The following TEX35 variants were observed in gnomAD, a reference collection of about 807,000 sequenced individuals.
The protein encoded by TEX35 is testis expressed 35.
In TEX35, 26 loss-of-function variants were observed where a neutral mutation model predicts 31.9. That is an observed-to-expected ratio of 0.81 (90% CI 0.60 to 1.13). TEX35 has a LOEUF of 1.13. Ranked by LOEUF, TEX35 falls within the 50% of genes most tolerant of loss-of-function variation. The pLI, the probability that TEX35 is intolerant of heterozygous loss-of-function variation, is 0.00. For missense variants in TEX35, 278 were observed against 273.5 expected, an observed-to-expected ratio of 1.02 and a Z score of -0.12; for synonymous variants, 87 against 90.7, an observed-to-expected ratio of 0.96 and a Z score of 0.23.
chr1:178,516,543 C>T (rs748391973), intron 4 of TEX35, 72 bp from the exon 5 acceptor site: 2 of 1,388,896 alleles, frequency 1.4e-6, no homozygotes, highest in Non-Finnish European at 1.0e-6. Flanking sequence ...CTTAAAATGC[C>T]TGAAAGATGC....
At chr1:178,514,581 C>A in intron 2 of TEX35, 119 bp from the exon 3 acceptor site, 1 of 976,722 alleles carries the variant, frequency 1.0e-6, no homozygotes, top group Non-Finnish European at 1.5e-6. Flanking sequence ...GGGCCACCAG[C>A]TTTCCTCTTG....
intron 7 of TEX35, 80 bp from the exon 8 acceptor site, chr1:178,521,142 G>A (rs1374014787): frequency 6.2e-7 from 1 of 1,608,430 alleles, no homozygotes; most frequent in African/African-American, 1.3e-5. Flanking sequence ...CTTTAGCAAG[G>A]GCAGATAAGG....
At position 178,516,627 on chromosome 1, in the gene TEX35, A is replaced by G. The variant is rs1650085878; in HGVS notation, c.229A>G (p.Met77Val). 2.5e-6 allele frequency: 4 copies of G among 1,613,690 alleles called. No homozygotes were observed. Among genetic ancestry groups the G allele is most frequent in the East Asian group, 2.2e-5 (1 of 44,888 alleles). Residue 77 changes from methionine to valine, a missense_variant, in exon 5 of 9, where the codon ATG becomes GTG. By Grantham distance (21) the Met-to-Val change is conservative. Transcript: ENST00000319416. Reference sequence around the variant, plus strand: ...TCTTCCTTGTTAGATAAAGGATCTAATGGACAAGGATTTTGATAAACTTCA... The same window carrying G: ...TCTTCCTTGTTAGATAAAGGATCTAGTGGACAAGGATTTTGATAAACTTCA... Reference protein sequence around the residue: ...MEEIKQIKDLMDKDFDKLHEF... With the variant: ...MEEIKQIKDLVDKDFDKLHEF...
rs540476459 is a variant in TEX35, at chr1:178,513,231, A to T, written c.39+4A>T. 8.1e-6 allele frequency: 13 copies of T among 1,614,220 alleles called. No homozygotes were observed. The Admixed American group carries it at 1.3e-4, about 17-fold the overall frequency. ...AGAATTGAAGAAAACACATCTGGTA[A>T]AAGAGAGACATTGCTGGACAGTGTG... On this transcript the variant is annotated splice_donor_region_variant and intron_variant, in intron 1 of 8. Coordinates refer to ENST00000319416, the MANE Select transcript of TEX35 (RefSeq NM_032126.5).
intron 5 of TEX35, among the ~76,000 whole-genome samples, chr1:178,519,056 T>C (rs1254745874): frequency 6.6e-6 from 1 of 152,152 alleles, no homozygotes; most frequent in Non-Finnish European, 1.5e-5. Context: ...CTGGAGATTC[T>C]TAATCAAAGA....
chr1:178,516,412 G>GC (rs879663952), intron 4 of TEX35, among the ~76,000 whole-genome samples: 2 of 152,230 alleles, frequency 1.3e-5, no homozygotes, highest in African/African-American at 2.4e-5. Flanking sequence ...CCGTGCCAAG[G>GC]CTGATGGTGG....
intron 5 of TEX35, 62 bp downstream of exon 5, chr1:178,516,736 C>T: frequency 2.6e-6 from 3 of 1,175,856 alleles, no homozygotes; most frequent in East Asian, 2.6e-5. Context: ...GGAAGAGACA[C>T]CAGCAGACCC....
chr1:178,521,842 A>G, intron 8 of TEX35: 4 of 1,519,180 alleles, frequency 2.6e-6, no homozygotes, highest in Non-Finnish European at 3.5e-6. Context: ...GTACCAGTCC[A>G]AAACTTGAGT....
rs1650323943 is a variant in TEX35, at chr1:178,522,513, T to C, written c.*73T>C. The C allele has an allele frequency of 7.1e-7, 1 of 1,410,156 alleles. No homozygotes were observed. The highest frequency in any genetic ancestry group is 9.4e-7 in the Non-Finnish European group (1 of 1,067,690). The allele number at this position is 1,410,156 out of a possible 1,614,324, so 87.4% of individuals were successfully genotyped here. A position where few individuals can be genotyped will look rare whatever the true frequency, so the allele number is the denominator to read the frequency against. On this transcript the variant is annotated 3_prime_UTR_variant, in exon 9 of 9. Transcript: ENST00000319416. ...CAGTGTTTCAGAAACTGTCCTGCCCTGGGTGTGATTCTTTGGCTTCAATTT... is the reference window on the plus strand; with the variant it reads ...CAGTGTTTCAGAAACTGTCCTGCCCCGGGTGTGATTCTTTGGCTTCAATTT...
At position 178,520,685 on chromosome 1, in the gene TEX35, A is replaced by G. The variant is rs2101897722; in HGVS notation, c.354A>G (p.Arg118=). The change falls in exon 7 of 9, where the codon AGA becomes AGG. Residue 118 remains arginine, a synonymous_variant. Coordinates refer to ENST00000319416, the MANE Select transcript of TEX35 (RefSeq NM_032126.5). Reference sequence around the variant, plus strand: ...CCTCCTCCCCCAGTCCCCTTAGAAGAGCACCAAAGGAGCAGCAGGAACTCA... The same window carrying G: ...CCTCCTCCCCCAGTCCCCTTAGAAGGGCACCAAAGGAGCAGCAGGAACTCA... The part of the protein sequence containing the change: ...TQKNYKLPLR[R]APKEQQELRL... 4.3e-6 allele frequency: 7 copies of G among 1,613,806 alleles called. No homozygotes were observed. Among genetic ancestry groups the G allele is most frequent in the East Asian group, 4.5e-5 (2 of 44,852 alleles).
At chr1:178,522,749 G>C (rs563107778), downstream of TEX35, 4 of 811,300 alleles carry the variant, frequency 4.9e-6, no homozygotes, top group African/African-American at 7.3e-5. Flanking sequence ...AGTTATGCAA[G>C]GTGAAATAAG....
chr1:178,522,087 G>A (rs1650307876), intron 8 of TEX35: 1 of 660,564 alleles, frequency 1.5e-6, no homozygotes, highest in Non-Finnish European at 2.5e-6. Context: ...CTGCTGCCTG[G>A]CCCATCCGCT....
At chr1:178,517,084 C>T (rs958188940) in intron 5 of TEX35, among the ~76,000 whole-genome samples, 8 of 152,316 alleles carry the variant, frequency 5.3e-5, no homozygotes, top group Middle Eastern at 6.8e-3. Flanking sequence ...AGAGCCTGGG[C>T]TCATGTTCAG....
chr1:178,516,645 A>G lies in TEX35; in HGVS notation c.247A>G (p.Lys83Glu), dbSNP rs1650086927. 5 of 1,613,442 alleles carry G rather than the reference A, an allele frequency of 3.1e-6. No homozygotes were observed. Among genetic ancestry groups the G allele is most frequent in the Non-Finnish European group, 3.4e-6 (4 of 1,179,690 alleles). ...GGATCTAATGGACAAGGATTTTGAT[A>G]AACTTCACGAATTTGTGGAAATTAT... ...IKDLMDKDFDKLHEFVEIMKE... is the reference protein window; with the variant it reads ...IKDLMDKDFDELHEFVEIMKE... Residue 83 changes from lysine (K) to glutamate (E), a missense_variant, in exon 5 of 9, where the codon AAA becomes GAA. Transcript: ENST00000319416.
chr1:178,513,153 T>TGTGGGGAGTTGAAGAACACC lies in TEX35; in HGVS notation c.-35_-16dup. On this transcript the variant is annotated 5_prime_UTR_variant, in exon 1 of 9. Coordinates refer to ENST00000319416, the MANE Select transcript of TEX35 (RefSeq NM_032126.5). ...ACAGTGGCCTGGTCCCAGGGGCTGT[T>TGTGGGGAGTTGAAGAACACC]GTGGGGAGTTGAAGAACACCCTGGC... 1 of 1,612,152 alleles carries TGTGGGGAGTTGAAGAACACC rather than the reference T, an allele frequency of 6.2e-7. No homozygotes were observed. Among genetic ancestry groups the TGTGGGGAGTTGAAGAACACC allele is most frequent in the Non-Finnish European group, 8.5e-7 (1 of 1,178,472 alleles).
intron 5 of TEX35, among the ~76,000 whole-genome samples, chr1:178,518,417 G>A (rs1650155776): frequency 1.3e-5 from 2 of 152,068 alleles, no homozygotes; most frequent in Admixed American, 1.3e-4. Flanking sequence ...AGATGTTCAT[G>A]ACAGGATTAT....
chr1:178,521,716 G>T (rs1232288479), intron 8 of TEX35: 1 of 1,551,774 alleles, frequency 6.4e-7, no homozygotes, highest in South Asian at 1.2e-5. Context: ...TCACCTCCAA[G>T]CTCCTTAAGA....
At chr1:178,516,216 A>G (rs1650069442) in intron 4 of TEX35, among the ~76,000 whole-genome samples, 1 of 152,230 alleles carries the variant, frequency 6.6e-6, no homozygotes, top group African/African-American at 2.4e-5. Flanking sequence ...GAAGTCAGGG[A>G]CCAACCCCAT....
intron 5 of TEX35, 116 bp from the exon 6 acceptor site, chr1:178,520,256 A>C: frequency 9.6e-7 from 1 of 1,044,694 alleles, no homozygotes. Context: ...ACCTCACCCA[A>C]GTCTAGCGAG....
Sources: gnomAD v4.1 joint callset for allele counts (sites outside exome capture counted in the v4.1 genomes callset) on GRCh38, gnomAD v4.1.1 for gene constraint, MANE v1.5 for transcripts, NCBI Gene and HGNC (gene_info 2026-07-23, HGNC 2026-07-21) for gene names.